KANSL1: variants seen among roughly 807,000 people sequenced by gnomAD.
KANSL1 encodes the protein KAT8 regulatory NSL complex subunit 1, also known as MLL1/MLL complex subunit KANSL1.
Under a neutral mutation model 103.6 loss-of-function variants are expected in KANSL1, and 22 were observed. That is an observed-to-expected ratio of 0.21 (90% CI 0.15 to 0.30). KANSL1 has a LOEUF of 0.30. Among genes scored for constraint, KANSL1 ranks in the 10% least tolerant of loss-of-function variants. KANSL1 has a pLI of 1.00. For missense variants in KANSL1, 1,337 were observed against 1,399.8 expected (o/e 0.96, Z 0.72); for synonymous variants, 600 against 527.6 (o/e 1.14, Z -1.88).
intron 2 of KANSL1, among the ~76,000 whole-genome samples, chr17:46,104,588 A>T (rs1013335097): frequency 6.6e-6 from 1 of 152,228 alleles, no homozygotes; most frequent in African/African-American, 2.4e-5. Flanking sequence ...TTTACAAGTA[A>T]ATTTGCAAAA....
intron 2 of KANSL1, among the ~76,000 whole-genome samples, chr17:46,156,224 G>C (rs2045420783): frequency 6.6e-6 from 1 of 152,200 alleles, no homozygotes; most frequent in South Asian, 2.1e-4. Context: ...GTTCATGCCT[G>C]TAATCCCAGC....
intron 10 of KANSL1, chr17:46,035,675 C>A (rs2077126406): frequency 1.3e-5 from 2 of 152,180 alleles, no homozygotes; most frequent in Admixed American, 6.5e-5. Context: ...AATTATACAT[C>A]CCACTACAAG....
chr17:46,170,812 C>CCAA, intron 2 of KANSL1, 43 bp downstream of exon 2: 3 of 1,522,026 alleles, frequency 2.0e-6, no homozygotes, highest in Non-Finnish European at 2.7e-6. Flanking sequence ...CTTCCTTGTG[C>CCAA]CAACATTTCT....
At position 46,031,662 on chromosome 17, in the gene KANSL1, G is replaced by C; in HGVS notation, c.3132C>G (p.His1044Gln). ...PWERRTFPLA[H>Q]SPQAECEDQL... is the part of the protein sequence containing the mutation. ...GGTCCTCACACTCCGCCTGGGGACT[G>C]TGCGCCAGGGGGAAGGTCCGCCGCT... The change falls in exon 15 of 15, where the codon CAC becomes CAG. Residue 1044 changes from histidine to glutamine, a missense_variant. Around this residue, in one of 2 missense-constraint regions of KANSL1, gnomAD observed 780 missense variants for 923.4 expected, o/e 0.84. Coordinates refer to ENST00000432791, the MANE Select transcript of KANSL1 (RefSeq NM_015443.4). 1.2e-6 allele frequency: 2 copies of C among 1,611,012 alleles called. No homozygotes were observed. The highest frequency in any genetic ancestry group is 1.3e-5 in the African/African-American group (1 of 75,002).
intron 2 of KANSL1, among the ~76,000 whole-genome samples, chr17:46,151,160 A>G (rs1444692577): frequency 6.6e-6 from 1 of 152,254 alleles, no homozygotes; most frequent in East Asian, 1.9e-4. Context: ...ATGAGTTATA[A>G]CTGAGTTTCT....
chr17:46,206,737 A>G (rs2047981949), intron 1 of KANSL1, among the ~76,000 whole-genome samples: 1 of 152,230 alleles, frequency 6.6e-6, no homozygotes, highest in Non-Finnish European at 1.5e-5. Flanking sequence ...AAATTCCTAG[A>G]AGAAAACAAA....
At chr17:46,062,101 A>C (rs1286580046) in intron 6 of KANSL1, among the ~76,000 whole-genome samples, 1 of 64,578 alleles carries the variant, frequency 1.5e-5, no homozygotes, top group African/African-American at 5.2e-5. Flanking sequence ...CAAAAAAAAA[A>C]AAAAAAAACA....
chr17:46,127,804 G>C (rs2043648922), intron 2 of KANSL1, among the ~76,000 whole-genome samples: 1 of 151,954 alleles, frequency 6.6e-6, no homozygotes, highest in Non-Finnish European at 1.5e-5. Flanking sequence ...AAATGCTGAT[G>C]ACTGAATAGA....
chr17:46,176,821 C>G (rs1170554607), intron 1 of KANSL1, among the ~76,000 whole-genome samples: 1 of 152,048 alleles, frequency 6.6e-6, no homozygotes, highest in Non-Finnish European at 1.5e-5. Flanking sequence ...TCTCAATATC[C>G]CCATAGGATA....
At chr17:46,104,402 CTT>C (rs1268438915) in intron 2 of KANSL1, among the ~76,000 whole-genome samples, 1 of 152,204 alleles carries the variant, frequency 6.6e-6, no homozygotes, top group African/African-American at 2.4e-5. Flanking sequence ...ACAATTCACT[CTT>C]TGTCCTCTTC....
intron 2 of KANSL1, among the ~76,000 whole-genome samples, chr17:46,106,550 A>C (rs1406145273): frequency 6.6e-6 from 1 of 151,830 alleles, no homozygotes; most frequent in Non-Finnish European, 1.5e-5. Flanking sequence ...CCACCACCAC[A>C]CCTGGCTAAT....
chr17:46,103,051 T>C (rs1357998122), intron 2 of KANSL1, among the ~76,000 whole-genome samples: 3 of 152,178 alleles, frequency 2.0e-5, no homozygotes, highest in Non-Finnish European at 2.9e-5. Context: ...AGAAACGACA[T>C]GTATACAATG....
intron 6 of KANSL1, among the ~76,000 whole-genome samples, chr17:46,055,843 A>G (rs1397668391): frequency 6.6e-6 from 1 of 152,358 alleles, no homozygotes; most frequent in East Asian, 1.9e-4. Flanking sequence ...TTTATTGTTT[A>G]ACTAAAATAA....
intron 3 of KANSL1, among the ~76,000 whole-genome samples, chr17:46,087,388 G>C (rs920553261): frequency 2.0e-5 from 3 of 152,016 alleles, no homozygotes; most frequent in Admixed American, 6.6e-5. Flanking sequence ...ACACCAAAAA[G>C]GATGAAAACA....
At position 46,030,894 on chromosome 17, in the gene KANSL1, C is replaced by A. The variant is rs1293781873; in HGVS notation, c.*582G>T. The A allele has an allele frequency of 6.5e-6, 1 of 152,810 alleles. No individual in the cohort carries two copies. Among genetic ancestry groups the A allele is most frequent in the Non-Finnish European group, 1.5e-5 (1 of 68,502 alleles). The allele number at this position is 152,810 out of a possible 1,614,324, so 9.5% of individuals were successfully genotyped here. The stretch of plus-strand genomic sequence containing the variant: ...AAACAAAAAATCAGTCTCTTAAGTT[C>A]TGGGTGAGAAAGGAAAGGTGTTCTG... On this transcript the variant is annotated 3_prime_UTR_variant, in exon 15 of 15. Coordinates refer to ENST00000432791, the MANE Select transcript of KANSL1 (RefSeq NM_015443.4).
intron 2 of KANSL1, among the ~76,000 whole-genome samples, chr17:46,141,380 A>C (rs2044412968): frequency 6.6e-6 from 1 of 152,246 alleles, no homozygotes; most frequent in Non-Finnish European, 1.5e-5. Flanking sequence ...ACAGGAGAGC[A>C]GCTGAAGAGC....
At chr17:46,064,795 T>C (rs2078314067) in intron 6 of KANSL1, among the ~76,000 whole-genome samples, 1 of 152,136 alleles carries the variant, frequency 6.6e-6, no homozygotes, top group African/African-American at 2.4e-5. Flanking sequence ...GGCTAATCCA[T>C]ATACCTCTTC....
intron 6 of KANSL1, among the ~76,000 whole-genome samples, chr17:46,054,883 C>T (rs538230054): frequency 4.0e-5 from 6 of 148,364 alleles, no homozygotes; most frequent in Non-Finnish European, 4.5e-5. Context: ...GATGGAGTCT[C>T]GCTGTCGCCC....
intron 3 of KANSL1, among the ~76,000 whole-genome samples, chr17:46,086,324 T>G (rs1450398496): frequency 6.6e-6 from 1 of 152,164 alleles, no homozygotes; most frequent in Non-Finnish European, 1.5e-5. Context: ...TCGACATAAT[T>G]TTATAGACCC....
Sources: gnomAD v4.1 joint callset for allele counts (sites outside exome capture counted in the v4.1 genomes callset) on GRCh38, gnomAD v4.1.1 for gene constraint, gnomAD v4.1.1 regional missense constraint, MANE v1.5 for transcripts, NCBI Gene and HGNC (gene_info 2026-07-23, HGNC 2026-07-21) for gene names.